KLHL29: variants seen among roughly 807,000 people sequenced by gnomAD.
KLHL29 encodes the protein kelch like family member 29.
Under a neutral mutation model 80.4 loss-of-function variants are expected in KLHL29, and 21 were observed. The ratio of observed to expected loss-of-function variants is 0.26; its 90% confidence interval spans 0.19 to 0.38. The LOEUF is 0.38. Ranked by LOEUF, KLHL29 falls within the 10% of genes least tolerant of loss-of-function variation. The pLI is 1.00. For missense variants in KLHL29, 867 were observed against 1,223.9 expected (o/e 0.71, Z 4.35); for synonymous variants, 511 against 526.8 (o/e 0.97, Z 0.41).
chr2:23,657,969 C>A (rs1558427367), intron 5 of KLHL29, among the ~76,000 whole-genome samples: 1 of 152,154 alleles, frequency 6.6e-6, no homozygotes, highest in African/African-American at 2.4e-5. Context: ...TTTGCGGAGC[C>A]ACGGGGCAGT....
In KLHL29 at chr2:23,680,903, A is replaced by G. The variant is rs1009753204; in HGVS notation, c.941-3496A>G. On this transcript the variant is annotated intron_variant, in intron 5 of 13. Transcript: ENST00000486442. This position sits in a 1 kb window ranked among gnomAD's most constrained non-coding sequence, Gnocchi z 4.1. ...TTCTGGAAGTCCACTCTGAAGACCC[A>G]GCCCCGAGGCCTGCAAATCTCCCAC... Among the ~76,000 whole-genome samples the G allele has an allele frequency of 6.6e-6, 1 of 152,222 alleles. No individual in the cohort carries two copies. The highest frequency in any genetic ancestry group is 1.5e-5 in the Non-Finnish European group (1 of 68,034).
At chr2:23,525,056 A>G (rs1290316109) in intron 2 of KLHL29, among the ~76,000 whole-genome samples, 1 of 152,264 alleles carries the variant, frequency 6.6e-6, no homozygotes, top group Admixed American at 6.5e-5. Context: ...TGTTTTTAAA[A>G]GATCTCCTCA....
chr2:23,517,064 C>T (rs1461317418), intron 2 of KLHL29, among the ~76,000 whole-genome samples: 3 of 152,182 alleles, frequency 2.0e-5, no homozygotes, highest in Non-Finnish European at 4.4e-5. Flanking sequence ...CTTCGTGGTG[C>T]GGAGCCTGCA....
intron 1 of KLHL29, among the ~76,000 whole-genome samples, chr2:23,459,354 AAT>A (rs1664146466): frequency 6.6e-6 from 1 of 152,132 alleles, no homozygotes; most frequent in South Asian, 2.1e-4. Context: ...GACTGGAGAG[AAT>A]ATGTTTTGGA....
chr2:23,555,601 C>T (rs1175261786), intron 2 of KLHL29, among the ~76,000 whole-genome samples: 3 of 152,170 alleles, frequency 2.0e-5, no homozygotes, highest in Non-Finnish European at 1.5e-5. Flanking sequence ...AGGGGAGGTT[C>T]GTCTGTGGAG....
intron 3 of KLHL29, among the ~76,000 whole-genome samples, chr2:23,602,852 C>G (rs1668607790): frequency 1.3e-5 from 2 of 152,256 alleles, no homozygotes; most frequent in Middle Eastern, 3.4e-3. Flanking sequence ...CAGGCCCAGC[C>G]CAGGGGAGCC....
rs373026537 is a variant in KLHL29 at position 23,581,499 on chromosome 2, G to A, written c.285+19018G>A. On this transcript the variant is annotated intron_variant, in intron 3 of 13. Coordinates refer to ENST00000486442, the MANE Select transcript of KLHL29 (RefSeq NM_052920.2). ...CTGATCCGCCTTCCACTGTGGCCAC[G>A]CACACCTGGTACTGCATTGTGCTGG... 9.1e-4 allele frequency among the ~76,000 whole-genome samples: 139 copies of A among 152,224 alleles called. No individual in the cohort carries two copies. In the South Asian group the frequency reaches 0.021, roughly 22 times the overall value.
chr2:23,580,028 A>G (rs534341471), intron 3 of KLHL29, among the ~76,000 whole-genome samples: 2 of 152,318 alleles, frequency 1.3e-5, no homozygotes, highest in Non-Finnish European at 2.9e-5. Context: ...TTCCTCATCT[A>G]TAAAATGGAG....
intron 3 of KLHL29, among the ~76,000 whole-genome samples, chr2:23,588,783 G>T (rs943284847): frequency 3.9e-5 from 6 of 152,232 alleles, no homozygotes; most frequent in Non-Finnish European, 8.8e-5. Context: ...CAGAGAAGAG[G>T]CAGAGTGAAA....
chr2:23,703,837 C>G lies in KLHL29; in HGVS notation c.2418C>G (p.Asn806Lys). The G allele has an allele frequency of 6.5e-7, 1 of 1,537,402 alleles. No homozygotes were observed. The highest frequency in any genetic ancestry group is 8.7e-7 in the Non-Finnish European group (1 of 1,146,906). ...AAGGAAACATTAAGGCGGGCCCAAACATGAACCACTCTCGCCAGTTCTGCA... is the reference window on the plus strand; with the variant it reads ...AAGGAAACATTAAGGCGGGCCCAAAGATGAACCACTCTCGCCAGTTCTGCA... ...PEKGNIKAGP[N>K]MNHSRQFCSA... Residue 806 changes from asparagine to lysine, a missense_variant, in exon 13 of 14, where the codon AAC (asparagine) becomes AAG (lysine). This residue lies in a region of KLHL29 where 443 missense variants were observed against 767.0 expected (regional missense o/e 0.58). Transcript: ENST00000486442.
intron 2 of KLHL29, among the ~76,000 whole-genome samples, chr2:23,518,636 C>A (rs1299337940): frequency 6.6e-6 from 1 of 152,178 alleles, no homozygotes; most frequent in Non-Finnish European, 1.5e-5. Context: ...CTGGCCAGTA[C>A]CCAGGACACC....
intron 2 of KLHL29, among the ~76,000 whole-genome samples, chr2:23,559,072 G>T (rs972746523): frequency 1.3e-5 from 2 of 152,214 alleles, no homozygotes; most frequent in African/African-American, 4.8e-5. Flanking sequence ...CAGGGTTCTA[G>T]AAGAATTGGT....
intron 2 of KLHL29, among the ~76,000 whole-genome samples, chr2:23,477,650 A>G (rs530437048): frequency 3.3e-5 from 5 of 152,354 alleles, no homozygotes; most frequent in South Asian, 2.1e-4. Flanking sequence ...TGTCCTTGCT[A>G]GCGATATCGC....
In KLHL29 at chr2:23,595,626, G is replaced by A. The variant is rs139452675; in HGVS notation, c.285+33145G>A. ...GCAGCGGGCACTGCCAGGCTGTGGT[G>A]TGACTGTGTGGGTGCAAGTAGAGGG... On this transcript the variant is annotated intron_variant, in intron 3 of 13. Transcript: ENST00000486442. Among the ~76,000 whole-genome samples, 348 of 152,334 alleles carry A rather than the reference G, an allele frequency of 2.3e-3. 1 individual carries two copies. The highest frequency in any genetic ancestry group is 7.7e-3 in the African/African-American group (321 of 41,568).
intron 3 of KLHL29, among the ~76,000 whole-genome samples, chr2:23,594,250 C>T (rs1572424447): frequency 6.6e-6 from 1 of 152,112 alleles, no homozygotes; most frequent in South Asian, 2.1e-4. Context: ...GAACATGCAG[C>T]GATTTCATGG....
intron 3 of KLHL29, among the ~76,000 whole-genome samples, chr2:23,585,723 C>T (rs556732931): frequency 7.2e-5 from 11 of 152,198 alleles, no homozygotes; most frequent in Non-Finnish European, 1.6e-4. Context: ...GGAGGGGACC[C>T]ATATGTAACT....
At chr2:23,630,086 G>T (rs1669430722) in intron 3 of KLHL29, among the ~76,000 whole-genome samples, 1 of 152,224 alleles carries the variant, frequency 6.6e-6, no homozygotes, top group Admixed American at 6.5e-5. Context: ...CCCGTATTTG[G>T]CATTAGGAGG....
chr2:23,460,418 G>A (rs948536196), intron 1 of KLHL29, among the ~76,000 whole-genome samples: 6 of 152,160 alleles, frequency 3.9e-5, no homozygotes, highest in Non-Finnish European at 5.9e-5. Context: ...TTGTCATGAT[G>A]TAGGGGGGAA....
chr2:23,438,492 C>T (rs1007209911), intron 1 of KLHL29, among the ~76,000 whole-genome samples: 3 of 142,370 alleles, frequency 2.1e-5, no homozygotes, highest in African/African-American at 8.3e-5. Context: ...CCCATCAATA[C>T]CTAATTTATT....
Sources: gnomAD v4.1 joint callset for allele counts (sites outside exome capture counted in the v4.1 genomes callset) on GRCh38, gnomAD v4.1.1 for gene constraint, gnomAD v4.1.1 regional missense constraint, Gnocchi (gnomAD v3.1) non-coding constraint, MANE v1.5 for transcripts, NCBI Gene and HGNC (gene_info 2026-07-23, HGNC 2026-07-21) for gene names.